GALNT17: variants seen among roughly 807,000 people sequenced by gnomAD.
GALNT17 encodes UDP-GalNAc:polypeptide N-acetylgalactosaminyltransferase-like 3.
Under a neutral mutation model 63.7 loss-of-function variants are expected in GALNT17, and 29 were observed. The observed-to-expected ratio is 0.46, with a 90% CI of 0.34 to 0.62. GALNT17 has a LOEUF of 0.62. Ranked by LOEUF, GALNT17 falls within the 20% of genes least tolerant of loss-of-function variation. The pLI is 0.01. For synonymous variants in GALNT17, 305 were observed against 318.3 expected (o/e 0.96, Z 0.45); for missense variants, 603 against 799.6 (o/e 0.75, Z 2.97).
intron 1 of GALNT17, among the ~76,000 whole-genome samples, chr7:71,286,070 C>T (rs1435905476): frequency 6.6e-6 from 1 of 152,166 alleles, no homozygotes; most frequent in Non-Finnish European, 1.5e-5. Flanking sequence ...TTGGGGAGAA[C>T]TATAACACAA....
intron 6 of GALNT17, among the ~76,000 whole-genome samples, chr7:71,657,890 ATGGATGGATGGATGGG>A (rs1289421614): frequency 6.4e-3 from 139 of 21,818 alleles, no homozygotes; most frequent in African/African-American, 0.022. Context: ...GGATGGATGG[ATGGATGGATGGATGGG>A]TGGATGGATG....
chr7:71,186,426 G>T (rs1788852098), intron 1 of GALNT17, among the ~76,000 whole-genome samples: 1 of 152,210 alleles, frequency 6.6e-6, no homozygotes, highest in Non-Finnish European at 1.5e-5. Flanking sequence ...CCTAAGCTGA[G>T]CGGGGCCTCT....
rs112412056 is a variant in GALNT17 at position 71,350,962 on chromosome 7, A to G, written c.422+15229A>G. On this transcript the variant is annotated intron_variant, in intron 2 of 10. Transcript: ENST00000333538. ...TTAAGATCAGCATGGCCAACATGGC[A>G]AAATCTCATCTCTACTAAAAATACA... Among the ~76,000 whole-genome samples the G allele has an allele frequency of 4.6e-3, 708 of 152,264 alleles. 5 individuals carry two copies. The highest frequency in any genetic ancestry group is 7.7e-3 in the Non-Finnish European group (525 of 68,022).
intron 5 of GALNT17, among the ~76,000 whole-genome samples, chr7:71,470,701 A>G (rs1018039789): frequency 1.3e-5 from 2 of 152,148 alleles, no homozygotes; most frequent in Non-Finnish European, 2.9e-5. Context: ...TCTAAAAACA[A>G]GTGACTAGGA....
chr7:71,415,917 T>G lies in GALNT17; in HGVS notation c.618T>G (p.Tyr206Ter). ...AGCTGAAGGTCCCCCTAGAGGAGTA[T>G]GTCCACAAACGCTACCCCGGGCTGG... ...EEELKVPLEE[Y>*]VHKRYPGLVK... The change falls in exon 4 of 11, where the codon TAT (tyrosine) becomes TAG (stop). Residue 206 changes from tyrosine (Y) to a stop codon, truncating the protein, a stop_gained. Transcript: ENST00000333538. LOFTEE classifies it high-confidence loss of function. The G allele has an allele frequency of 6.2e-7, 1 of 1,611,988 alleles. No individual in the cohort carries two copies. Among genetic ancestry groups the G allele is most frequent in the Non-Finnish European group, 8.5e-7 (1 of 1,179,008 alleles).
intron 1 of GALNT17, among the ~76,000 whole-genome samples, chr7:71,148,354 G>A (rs1238785018): frequency 6.6e-6 from 1 of 152,162 alleles, no homozygotes; most frequent in South Asian, 2.1e-4. Flanking sequence ...TGTAGCAGTG[G>A]CCACATCTGC....
chr7:71,705,524 T>C (rs997722524), intron 9 of GALNT17, among the ~76,000 whole-genome samples: 3 of 152,186 alleles, frequency 2.0e-5, no homozygotes, highest in African/African-American at 7.2e-5. Flanking sequence ...CCTAGGTGTA[T>C]ACCTCAGAGA....
chr7:71,486,341 AATAAT>A (rs1787908261), intron 5 of GALNT17, among the ~76,000 whole-genome samples: 2 of 9,002 alleles, frequency 2.2e-4, no homozygotes, highest in Admixed American at 2.9e-3. Flanking sequence ...TGAAAATAAT[AATAAT>A]AATAATAATA....
intron 5 of GALNT17, among the ~76,000 whole-genome samples, chr7:71,543,416 A>G (rs1788926627): frequency 6.6e-6 from 1 of 152,202 alleles, no homozygotes; most frequent in Non-Finnish European, 1.5e-5. Context: ...TAAGGCAGGA[A>G]TTTTATCAGA....
chr7:71,552,259 G>A (rs1789092879), intron 5 of GALNT17, among the ~76,000 whole-genome samples: 1 of 151,940 alleles, frequency 6.6e-6, no homozygotes, highest in African/African-American at 2.4e-5. Flanking sequence ...TGGCCAGGCT[G>A]GTCTTGAACT....
At chr7:71,669,815 C>T (rs1179024352) in intron 7 of GALNT17, among the ~76,000 whole-genome samples, 157 bp from the exon 8 acceptor site, 2 of 152,050 alleles carry the variant, frequency 1.3e-5, no homozygotes, top group African/African-American at 4.8e-5. Context: ...CTCACCTCTG[C>T]CTCCTAAAGT....
chr7:71,434,712 T>C (rs1786927525), intron 5 of GALNT17, among the ~76,000 whole-genome samples: 1 of 152,196 alleles, frequency 6.6e-6, no homozygotes, highest in Non-Finnish European at 1.5e-5. Flanking sequence ...TTCACCAGCA[T>C]TGAAATGTCG....
chr7:71,667,824 G>C (rs565311778), intron 7 of GALNT17, among the ~76,000 whole-genome samples: 1 of 150,132 alleles, frequency 6.7e-6, no homozygotes, highest in Non-Finnish European at 1.5e-5. Context: ...TTTTGAGATA[G>C]GATCTCACTC....
intron 1 of GALNT17, among the ~76,000 whole-genome samples, chr7:71,136,881 G>T (rs913530776): frequency 6.6e-6 from 1 of 151,670 alleles, no homozygotes; most frequent in African/African-American, 2.4e-5. Flanking sequence ...CTACTTCCCC[G>T]GCTCAAGTGA....
At chr7:71,453,229 A>C (rs1787297911) in intron 5 of GALNT17, among the ~76,000 whole-genome samples, 1 of 152,190 alleles carries the variant, frequency 6.6e-6, no homozygotes, top group Non-Finnish European at 1.5e-5. Context: ...TCATAATTAT[A>C]TTCCAGGTAT....
intron 9 of GALNT17, among the ~76,000 whole-genome samples, chr7:71,682,054 G>A (rs1015867845): frequency 6.6e-6 from 1 of 152,096 alleles, no homozygotes; most frequent in Admixed American, 6.6e-5. Flanking sequence ...AGCCTTATGA[G>A]TAGTTGGGAT....
chr7:71,300,317 TTCTA>T (rs1417906953), intron 1 of GALNT17: 5 of 377,444 alleles, frequency 1.3e-5, no homozygotes, highest in Non-Finnish European at 2.1e-5. Context: ...AAGCTCTTCT[TTCTA>T]AGAGGAGGCT....
chr7:71,656,290 T>A (rs1790827485), intron 6 of GALNT17, among the ~76,000 whole-genome samples: 1 of 152,166 alleles, frequency 6.6e-6, no homozygotes, highest in Non-Finnish European at 1.5e-5. Flanking sequence ...GGGAACTCTG[T>A]TTTTATCTGG....
At chr7:71,385,151 A>G (rs1792917317) in intron 2 of GALNT17, among the ~76,000 whole-genome samples, 1 of 152,110 alleles carries the variant, frequency 6.6e-6, no homozygotes, top group Non-Finnish European at 1.5e-5. Context: ...GCAGCCAGGA[A>G]GGCCTGCAGA....
Sources: allele counts gnomAD v4.1 joint callset (sites outside exome capture counted in the v4.1 genomes callset), GRCh38; gene constraint gnomAD v4.1.1; transcripts MANE v1.5; gene names NCBI Gene and HGNC (gene_info 2026-07-23, HGNC 2026-07-21).